GSE1: variants seen among roughly 807,000 people sequenced by gnomAD.
GSE1 encodes the protein genetic suppressor element 1.
GSE1 carries 32 observed loss-of-function variants against 112.6 expected under a neutral mutation model. The ratio of observed to expected loss-of-function variants is 0.28; its 90% confidence interval spans 0.21 to 0.38. The LOEUF (loss-of-function observed/expected upper bound fraction) is 0.38. Among genes scored for constraint, GSE1 ranks in the 10% least tolerant of loss-of-function variants. The pLI, the probability that GSE1 is intolerant of heterozygous loss-of-function variation, is 1.00. For missense variants in GSE1, 2,348 were observed against 1,699.2 expected (o/e 1.38, Z -6.71); for synonymous variants, 1,115 against 735.6 (o/e 1.52, Z -8.35).
rs920640532 is a variant in GSE1 at position 85,325,903 on chromosome 16, C to T, written c.2284-31560C>T. On this transcript the variant is annotated intron_variant, in intron 1 of 2. Transcript: ENST00000637419. ...AGCTGGGATTACAGGCGCATGCCAT[C>T]GTGCCCAGCTAATTTTTGTATTTTT... Among the ~76,000 whole-genome samples the T allele has an allele frequency of 4.6e-5, 7 of 152,048 alleles. No homozygotes were observed. The South Asian group carries it at 6.2e-4, about 14-fold the overall frequency.
chr16:85,459,014 C>T (rs1478646710), intron 2 of GSE1, among the ~76,000 whole-genome samples: 3 of 152,196 alleles, frequency 2.0e-5, no homozygotes, highest in Non-Finnish European at 2.9e-5. Context: ...TGGCCGCTTT[C>T]GCTCCTGCCA....
Position 85,661,504 on chromosome 16 carries a change from T to C in GSE1, c.1999T>C (p.Phe667Leu). The C allele has an allele frequency of 1.2e-6, 2 of 1,611,584 alleles. No individual in the cohort carries two copies. The highest frequency in any genetic ancestry group is 1.7e-6 in the Non-Finnish European group (2 of 1,179,450). Residue 667 changes from phenylalanine (F) to leucine (L), a missense_variant, in exon 9 of 16, where the codon TTC becomes CTC. By Grantham distance (22) the Phe-to-Leu change is conservative (BLOSUM62 0). Transcript: ENST00000253458. Reference sequence around the variant, plus strand: ...GGGAGGGAGCCTGGAGCACCAGCCCTTCCTGCCCGGGCCCGGGCCCTTCCT... The same window carrying C: ...GGGAGGGAGCCTGGAGCACCAGCCCCTCCTGCCCGGGCCCGGGCCCTTCCT... The part of the protein sequence containing the change: ...REGGSLEHQP[F>L]LPGPGPFLAE...
intron 2 of GSE1, among the ~76,000 whole-genome samples, chr16:85,433,131 C>T (rs1278504384): frequency 6.6e-6 from 1 of 152,032 alleles, no homozygotes; most frequent in Non-Finnish European, 1.5e-5. Context: ...CAGGTGCTCT[C>T]TTGTTCAACA....
At position 85,655,020 on chromosome 16, in the gene GSE1, C is replaced by G. The variant is rs1435481707; in HGVS notation, c.797+29C>G. The G allele has an allele frequency of 7.1e-6, 10 of 1,398,608 alleles. No homozygotes were observed. The Admixed American group carries it at 1.7e-4, about 23-fold the overall frequency. The allele number at this position is 1,398,608 out of a possible 1,614,324, so 86.6% of individuals were successfully genotyped here. On this transcript the variant is annotated intron_variant, in intron 5 of 15. Coordinates refer to ENST00000253458, the MANE Select transcript of GSE1 (RefSeq NM_014615.5). ...AGGCATCCCCCACGCGCCCTCTCGT[C>G]TAGGTGCTGGCCTGTTCCTGGCAAG...
At chr16:85,189,554 C>T (rs1297351183) in intron 1 of GSE1, among the ~76,000 whole-genome samples, 2 of 152,324 alleles carry the variant, frequency 1.3e-5, no homozygotes, top group Middle Eastern at 3.4e-3. Context: ...TTAAAAACCA[C>T]AGTAAATAAA....
chr16:85,649,276 C>T (rs1025482024), intron 3 of GSE1, among the ~76,000 whole-genome samples: 8 of 152,128 alleles, frequency 5.3e-5, no homozygotes, highest in African/African-American at 1.7e-4. Flanking sequence ...GGCTCTAACA[C>T]GGATTTGGGC....
intron 15 of GSE1, 80 bp downstream of exon 15, chr16:85,671,178 CAGAGAG>C: frequency 7.3e-6 from 6 of 822,060 alleles, no homozygotes; most frequent in East Asian, 5.1e-5. Flanking sequence ...AGATAAGTTT[CAGAGAG>C]GAAATGTGCT....
At chr16:85,594,123 G>C (rs557692741) in intron 1 of GSE1, 1 of 151,764 alleles carries the variant, frequency 6.6e-6, no homozygotes, top group Non-Finnish European at 1.5e-5. Context: ...AGGAGGAGGG[G>C]GACCAGCCAG....
upstream of GSE1, among the ~76,000 whole-genome samples, chr16:85,612,418 G>T (rs1044828359): frequency 1.3e-5 from 2 of 152,076 alleles, no homozygotes; most frequent in African/African-American, 4.8e-5. Context: ...GAGGCGCTGC[G>T]CTGGGGCCAG....
rs745414933 is a variant in GSE1 at position 85,373,246 on chromosome 16, C to G, written c.2464+15603C>G. ...CCTCGAGGTGCTCCCAGGGATGGAT[C>G]GCTCCATGCTGGGATCCCCCACTCT... is the stretch of plus-strand genomic sequence containing the variant. On this transcript the variant is annotated intron_variant, in intron 2 of 2. Transcript: ENST00000637419. The surrounding 1 kb of genome is among the most constrained non-coding windows in gnomAD (Gnocchi z 5.1). Among the ~76,000 whole-genome samples the G allele has an allele frequency of 2.0e-5, 3 of 152,222 alleles. No individual in the cohort carries two copies. Among genetic ancestry groups the G allele is most frequent in the Admixed American group, 1.3e-4 (2 of 15,284 alleles).
intron 1 of GSE1, among the ~76,000 whole-genome samples, chr16:85,617,679 A>C (rs1185429671): frequency 7.8e-6 from 1 of 128,136 alleles, no homozygotes; most frequent in African/African-American, 2.9e-5. Flanking sequence ...CTTCCTAGTC[A>C]CCTAGGGGCC....
At chr16:85,486,376 A>G (rs1009389077) in intron 2 of GSE1, among the ~76,000 whole-genome samples, 1 of 152,204 alleles carries the variant, frequency 6.6e-6, no homozygotes, top group African/African-American at 2.4e-5. Flanking sequence ...CAAGGGCAGC[A>G]GGGACCCTCC....
At chr16:85,538,012 T>A (rs1013666391) in intron 2 of GSE1, among the ~76,000 whole-genome samples, 2 of 152,090 alleles carry the variant, frequency 1.3e-5, no homozygotes, top group Non-Finnish European at 2.9e-5. Flanking sequence ...GAGCCAGAAG[T>A]GCAGCCTTGG....
At chr16:85,458,877 G>T (rs530607656) in intron 2 of GSE1, among the ~76,000 whole-genome samples, 2 of 152,204 alleles carry the variant, frequency 1.3e-5, no homozygotes, top group South Asian at 4.1e-4. Context: ...TCCATCTAAG[G>T]CCAGAGGGGA....
intron 1 of GSE1, among the ~76,000 whole-genome samples, chr16:85,183,233 A>G (rs997146730): frequency 1.3e-5 from 2 of 152,104 alleles, no homozygotes; most frequent in African/African-American, 4.8e-5. Flanking sequence ...ACCCTCTCTC[A>G]TTCATGCACA....
chr16:85,440,709 A>C (rs114260177), intron 2 of GSE1, among the ~76,000 whole-genome samples: 2,918 of 152,292 alleles, frequency 0.019, 109 homozygotes, highest in African/African-American at 0.067. Context: ...TCTGGTGCTG[A>C]GGCCCCAGGA....
chr16:85,215,961 G>C (rs1158661671), intron 1 of GSE1, among the ~76,000 whole-genome samples: 3 of 152,206 alleles, frequency 2.0e-5, no homozygotes, highest in Non-Finnish European at 4.4e-5. Context: ...GCTGTGAGCA[G>C]AGCCCTTGGA....
intron 2 of GSE1, among the ~76,000 whole-genome samples, chr16:85,473,261 A>T (rs73263184): frequency 3.3e-5 from 5 of 152,162 alleles, no homozygotes; most frequent in Non-Finnish European, 7.3e-5. Flanking sequence ...CAGGCAATAA[A>T]CCATAAAAGT....
At chr16:85,624,417 G>A (rs2048935210) in intron 1 of GSE1, among the ~76,000 whole-genome samples, 1 of 152,216 alleles carries the variant, frequency 6.6e-6, no homozygotes, top group Non-Finnish European at 1.5e-5. Flanking sequence ...GGGAAAGTGG[G>A]GCTGGGGGAG....
Sources: allele counts gnomAD v4.1 joint callset (sites outside exome capture counted in the v4.1 genomes callset), GRCh38; gene constraint gnomAD v4.1.1; non-coding constraint Gnocchi (gnomAD v3.1); transcripts MANE v1.5; gene names NCBI Gene and HGNC (gene_info 2026-07-23, HGNC 2026-07-21).